ANKRD44: variants seen among roughly 807,000 people sequenced by gnomAD.
The protein encoded by ANKRD44 is ankyrin repeat domain 44.
Under a neutral mutation model 116.0 loss-of-function variants are expected in ANKRD44, and 35 were observed. The ratio of observed to expected loss-of-function variants is 0.30; its 90% confidence interval spans 0.23 to 0.40. The LOEUF (loss-of-function observed/expected upper bound fraction) is 0.40. ANKRD44 is among the 10% of genes least tolerant of loss of function. The probability of loss-of-function intolerance (pLI) is 1.00; values close to 1 mark genes in which losing one functional copy is unlikely to be tolerated. For synonymous variants in ANKRD44, 435 were observed against 461.8 expected, an observed-to-expected ratio of 0.94 and a Z score of 0.74; for missense variants, 1,014 against 1,242.6, an observed-to-expected ratio of 0.82 and a Z score of 2.77.
chr2:197,001,642 T>C, intron 22 of ANKRD44, 111 bp downstream of exon 22: 1 of 697,154 alleles, frequency 1.4e-6, no homozygotes, highest in Non-Finnish European at 2.3e-6. Flanking sequence ...AAAAATGGAA[T>C]ATTTCAGTCT....
chr2:196,988,829 T>G lies in ANKRD44; in HGVS notation c.*762A>C. ...TGTGCCCACACACTGCCATCATTTC[T>G]CATCAGGTTACTGAGACTATGTGAG... On this transcript the variant is annotated 3_prime_UTR_variant, in exon 28 of 28. Coordinates refer to ENST00000282272, the MANE Select transcript of ANKRD44 (RefSeq NM_001195144.2). The G allele has an allele frequency of 1.0e-6, 1 of 985,468 alleles. No homozygotes were observed. The highest frequency in any genetic ancestry group is 1.2e-6 in the Non-Finnish European group (1 of 829,942). The allele number at this position is 985,468 out of a possible 1,614,324, so 61.0% of individuals were successfully genotyped here. A position where few individuals can be genotyped will look rare whatever the true frequency, so the allele number is the denominator to read the frequency against.
intron 21 of ANKRD44, among the ~76,000 whole-genome samples, chr2:196,968,227 G>C (rs1345294122): frequency 6.6e-6 from 1 of 152,180 alleles, no homozygotes; most frequent in Admixed American, 6.5e-5. Context: ...TATCAGAAGA[G>C]ACCAAATGTG....
chr2:197,201,591 C>T lies in ANKRD44; in HGVS notation c.28-14485G>A, dbSNP rs2697317. Among the ~76,000 whole-genome samples, 145,519 of 152,332 alleles carry T rather than the reference C, an allele frequency of 0.96. 69,551 individuals carry two copies. The highest frequency in any genetic ancestry group is 1 in the East Asian group (5,184 of 5,192). On this transcript the variant is annotated intron_variant, in intron 1 of 27. Coordinates refer to ENST00000282272, the MANE Select transcript of ANKRD44 (RefSeq NM_001195144.2). The surrounding 1 kb of genome is among the most constrained non-coding windows in gnomAD (Gnocchi z 4.0). The stretch of plus-strand genomic sequence containing the variant: ...GATGTGGAGACCCTGTTAGTGTCGT[C>T]GCATGTTAAATCTAGATTTGGGAAT...
chr2:197,025,552 A>G (rs1478155524), intron 16 of ANKRD44, among the ~76,000 whole-genome samples: 1 of 152,266 alleles, frequency 6.6e-6, no homozygotes, highest in East Asian at 1.9e-4. Context: ...TATCAAACAC[A>G]CATTTACTGC....
At chr2:197,177,482 G>A (rs1161023430) in intron 2 of ANKRD44, among the ~76,000 whole-genome samples, 2 of 152,042 alleles carry the variant, frequency 1.3e-5, no homozygotes, top group Non-Finnish European at 2.9e-5. Context: ...ACTGAAATGT[G>A]CTCTACACTT....
chr2:197,306,104 C>T (rs913064588), intron 1 of ANKRD44, among the ~76,000 whole-genome samples: 1 of 152,038 alleles, frequency 6.6e-6, no homozygotes, highest in African/African-American at 2.4e-5. Context: ...AGAGCAGCTC[C>T]TTACTATGTA....
At chr2:197,146,530 A>C (rs1356264945) in intron 3 of ANKRD44, among the ~76,000 whole-genome samples, 1 of 151,872 alleles carries the variant, frequency 6.6e-6, no homozygotes, top group Non-Finnish European at 1.5e-5. Context: ...TAGTGTATAC[A>C]TGCTATACAT....
rs533208791 is a variant in ANKRD44, at chr2:197,222,820, A to ATT, written c.28-35716_28-35715dup. 2.3e-3 allele frequency among the ~76,000 whole-genome samples: 345 copies of ATT among 146,966 alleles called. 2 individuals carry two copies. The highest frequency in any genetic ancestry group is 7.1e-3 in the African/African-American group (284 of 39,824). ...TATTTTATTTATTTTTTATTTATTT[A>ATT]TTTTTTTTTTGAGACGGATTCTCAC... is the stretch of plus-strand genomic sequence containing the variant. On this transcript the variant is annotated intron_variant, in intron 1 of 27. Coordinates refer to ENST00000282272, the MANE Select transcript of ANKRD44 (RefSeq NM_001195144.2).
chr2:197,080,151 A>G (rs1160996591), intron 15 of ANKRD44, among the ~76,000 whole-genome samples: 1 of 152,258 alleles, frequency 6.6e-6, no homozygotes, highest in African/African-American at 2.4e-5. Flanking sequence ...ACAATTCCCA[A>G]TTTCTGAATG....
chr2:197,232,235 T>C (rs1368276948), intron 1 of ANKRD44, among the ~76,000 whole-genome samples: 1 of 152,164 alleles, frequency 6.6e-6, no homozygotes, highest in Admixed American at 6.5e-5. Context: ...ATATAGGAAG[T>C]TGTATGTACC....
At chr2:197,110,728 C>A (rs763564447) in intron 9 of ANKRD44, 38 bp downstream of exon 9, 2 of 1,561,796 alleles carry the variant, frequency 1.3e-6, no homozygotes, top group Non-Finnish European at 1.8e-6. Flanking sequence ...CAACAAGAAA[C>A]TATCGAAATA....
At position 197,118,615 on chromosome 2, in the gene ANKRD44, A is replaced by AAGAAAGAGAGAG. The variant is rs1553512529; in HGVS notation, c.906+2716_906+2717insCTCTCTCTTTCT. ...CAAAAACAAAAGAAAGAGAGAAAGA[A>AAGAAAGAGAGAG]AGAGAGAGAGAGAGAGAGAGAGAGA... On this transcript the variant is annotated intron_variant, in intron 8 of 27. Transcript: ENST00000282272. Among the ~76,000 whole-genome samples, 144 of 76,428 alleles carry AAGAAAGAGAGAG rather than the reference A, an allele frequency of 1.9e-3. 1 individual carries two copies. Among genetic ancestry groups the AAGAAAGAGAGAG allele is most frequent in the African/African-American group, 9.4e-3 (131 of 13,882 alleles). The allele number at this position is 76,428 out of a possible 152,430, so 50.1% of individuals were successfully genotyped here.
At chr2:197,118,647 G>GAAAGAAAA (rs1553512607) in intron 8 of ANKRD44, among the ~76,000 whole-genome samples, 16 of 149,116 alleles carry the variant, frequency 1.1e-4, no homozygotes, top group Non-Finnish European at 1.5e-4. Context: ...GAGAAAGAAA[G>GAAAGAAAA]AAAGAAAGAA....
chr2:197,148,647 G>A (rs1053130177), intron 2 of ANKRD44, among the ~76,000 whole-genome samples: 5 of 152,182 alleles, frequency 3.3e-5, no homozygotes, highest in Non-Finnish European at 7.3e-5. Context: ...ATCTAAAACA[G>A]ATGGCAGGCA....
intron 1 of ANKRD44, among the ~76,000 whole-genome samples, chr2:197,308,537 A>G (rs1352268110): frequency 1.3e-5 from 2 of 151,802 alleles, no homozygotes; most frequent in Admixed American, 1.3e-4. Flanking sequence ...TTGTCCCAAG[A>G]TAGACTGGAC....
chr2:197,241,554 A>G (rs1212726470), intron 1 of ANKRD44, among the ~76,000 whole-genome samples: 1 of 152,206 alleles, frequency 6.6e-6, no homozygotes, highest in African/African-American at 2.4e-5. Context: ...AATTTTAATT[A>G]TTCTATTTCC....
At chr2:196,983,979 T>G (rs1406660837), downstream of ANKRD44, among the ~76,000 whole-genome samples, 2 of 152,200 alleles carry the variant, frequency 1.3e-5, no homozygotes, top group Non-Finnish European at 2.9e-5. Context: ...TCTTCTCCCC[T>G]GGAAAAATAC....
At chr2:197,100,413 C>T (rs906351619) in intron 9 of ANKRD44, among the ~76,000 whole-genome samples, 3 of 151,570 alleles carry the variant, frequency 2.0e-5, no homozygotes, top group South Asian at 2.1e-4. Flanking sequence ...CCAGCCTGGG[C>T]GACAGAGCGA....
intron 1 of ANKRD44, among the ~76,000 whole-genome samples, chr2:197,191,109 A>G (rs1574240163): frequency 6.6e-6 from 1 of 152,168 alleles, no homozygotes; most frequent in African/African-American, 2.4e-5. Context: ...AATTGCTAGA[A>G]TTTTCTTAGC....
Sources: allele counts gnomAD v4.1 joint callset (sites outside exome capture counted in the v4.1 genomes callset), GRCh38; gene constraint gnomAD v4.1.1; non-coding constraint Gnocchi (gnomAD v3.1); transcripts MANE v1.5; gene names NCBI Gene and HGNC (gene_info 2026-07-23, HGNC 2026-07-21).